Variants in PTPRG observed in about 807,000 individuals in gnomAD.
PTPRG encodes the protein receptor-type tyrosine-protein phosphatase gamma.
PTPRG carries 102 observed loss-of-function variants against 165.3 expected under a neutral mutation model. That is an observed-to-expected ratio of 0.62 (90% CI 0.53 to 0.73). PTPRG has a LOEUF of 0.73. Among genes scored for constraint, PTPRG ranks in the 30% least tolerant of loss-of-function variants. The probability of loss-of-function intolerance (pLI) is 0.00; values close to 1 mark genes in which losing one functional copy is unlikely to be tolerated. For synonymous variants in PTPRG, 675 were observed against 669.5 expected (o/e 1.01, Z -0.13); for missense variants, 1,866 against 1,861.4 (o/e 1.00, Z -0.05).
At chr3:61,995,695 C>A (rs2041021447) in intron 3 of PTPRG, among the ~76,000 whole-genome samples, 1 of 76,218 alleles carries the variant, frequency 1.3e-5, no homozygotes, top group African/African-American at 4.5e-5. Flanking sequence ...TTCCTTCCTT[C>A]CTTCCTTCCT....
chr3:61,732,443 G>C (rs2032539499), intron 1 of PTPRG, among the ~76,000 whole-genome samples: 2 of 152,010 alleles, frequency 1.3e-5, no homozygotes, highest in Non-Finnish European at 2.9e-5. Flanking sequence ...TGGGCATGGT[G>C]GCGAGCACCT....
At chr3:61,606,127 T>G (rs1700998981) in intron 1 of PTPRG, among the ~76,000 whole-genome samples, 1 of 152,238 alleles carries the variant, frequency 6.6e-6, no homozygotes, top group Non-Finnish European at 1.5e-5. Flanking sequence ...GGGCATTAGC[T>G]GGGTCCTCTG....
At chr3:62,042,773 C>G (rs147852666) in intron 4 of PTPRG, among the ~76,000 whole-genome samples, 16 of 152,258 alleles carry the variant, frequency 1.1e-4, no homozygotes, top group African/African-American at 3.1e-4. Context: ...AGATGCTAAC[C>G]CTTTAGGCCC....
At chr3:61,818,513 G>GT (rs2035856618) in intron 2 of PTPRG, among the ~76,000 whole-genome samples, 1 of 152,026 alleles carries the variant, frequency 6.6e-6, no homozygotes, top group African/African-American at 2.4e-5. Flanking sequence ...TGAAAAAGTT[G>GT]TTTAGGTGGG....
intron 2 of PTPRG, among the ~76,000 whole-genome samples, chr3:61,874,886 T>C (rs990359929): frequency 3.3e-5 from 5 of 152,208 alleles, no homozygotes; most frequent in African/African-American, 1.2e-4. Context: ...TGCTCCAGCG[T>C]TGAGTAAATC....
At chr3:61,742,955 T>C in intron 1 of PTPRG, 1 of 1,480,184 alleles carries the variant, frequency 6.8e-7, no homozygotes, top group Non-Finnish European at 9.4e-7. Context: ...AGTCTGACGG[T>C]GCCCGAGAAG....
At chr3:61,689,946 G>A (rs1424305330) in intron 1 of PTPRG, among the ~76,000 whole-genome samples, 1 of 152,140 alleles carries the variant, frequency 6.6e-6, no homozygotes, top group African/African-American at 2.4e-5. Context: ...AGTTTTAGTG[G>A]GGTTAGAAAT....
At chr3:61,995,469 T>C (rs17065641) in intron 3 of PTPRG, among the ~76,000 whole-genome samples, 8,943 of 152,162 alleles carry the variant, frequency 0.059, 571 homozygotes, top group African/African-American at 0.15. Flanking sequence ...CTAGCCCTCA[T>C]GCAAGATGTG....
intron 2 of PTPRG, among the ~76,000 whole-genome samples, chr3:61,885,193 C>CGG (rs1553686319): frequency 0.1 from 15,901 of 151,944 alleles, 1,300 homozygotes; most frequent in African/African-American, 0.23. Flanking sequence ...GATCATATAA[C>CGG]GGTAAACTAT....
intron 4 of PTPRG, among the ~76,000 whole-genome samples, chr3:62,029,517 AG>A (rs1348211006): frequency 6.6e-6 from 1 of 152,242 alleles, no homozygotes; most frequent in Non-Finnish European, 1.5e-5. Flanking sequence ...GTCCTCTGAA[AG>A]GATGCTTGGG....
chr3:62,006,420 C>G (rs575296606), intron 4 of PTPRG, among the ~76,000 whole-genome samples: 1 of 152,150 alleles, frequency 6.6e-6, no homozygotes, highest in Admixed American at 6.5e-5. Flanking sequence ...TCTCTCCCTA[C>G]GATTTTTATA....
chr3:61,590,449 G>A (rs946561085), intron 1 of PTPRG, among the ~76,000 whole-genome samples: 1 of 152,138 alleles, frequency 6.6e-6, no homozygotes, highest in African/African-American at 2.4e-5. Context: ...GCTTGAACCT[G>A]GGAGGTGGAG....
intron 17 of PTPRG, among the ~76,000 whole-genome samples, chr3:62,265,311 A>G (rs1701828699): frequency 6.6e-6 from 1 of 152,144 alleles, no homozygotes; most frequent in Non-Finnish European, 1.5e-5. Context: ...TCTTTCAACA[A>G]TTGTTTCTGA....
At chr3:61,614,170 C>T (rs2106879992) in intron 1 of PTPRG, among the ~76,000 whole-genome samples, 1 of 152,284 alleles carries the variant, frequency 6.6e-6, no homozygotes, top group African/African-American at 2.4e-5. Context: ...TCACTAGCTC[C>T]AGCCTTCATG....
chr3:62,019,576 T>A (rs915841610), intron 4 of PTPRG, among the ~76,000 whole-genome samples: 5 of 151,536 alleles, frequency 3.3e-5, no homozygotes, highest in Non-Finnish European at 7.4e-5. Flanking sequence ...AGATCTGTTG[T>A]ATAACAGGGT....
intron 1 of PTPRG, among the ~76,000 whole-genome samples, chr3:61,692,747 C>G (rs892394140): frequency 6.6e-6 from 1 of 152,106 alleles, no homozygotes; most frequent in Non-Finnish European, 1.5e-5. Flanking sequence ...TCAGTTAAGG[C>G]AGGAACAGGC....
At chr3:61,583,175 C>G (rs1371006598) in intron 1 of PTPRG, among the ~76,000 whole-genome samples, 1 of 152,176 alleles carries the variant, frequency 6.6e-6, no homozygotes, top group Admixed American at 6.5e-5. Context: ...TGACTGCTAG[C>G]TGGCAGATGG....
intron 1 of PTPRG, among the ~76,000 whole-genome samples, chr3:61,741,754 G>T (rs1429062178): frequency 6.6e-6 from 1 of 152,054 alleles, no homozygotes; most frequent in Non-Finnish European, 1.5e-5. Flanking sequence ...TGTTGTGGAT[G>T]AATGCCGGGG....
chr3:62,001,318 TA>T (rs2107718213), intron 3 of PTPRG, among the ~76,000 whole-genome samples: 1 of 152,322 alleles, frequency 6.6e-6, no homozygotes, highest in South Asian at 2.1e-4. Context: ...ATTATTCATA[TA>T]AAACAAGTAA....
Sources: allele counts gnomAD v4.1 joint callset (sites outside exome capture counted in the v4.1 genomes callset), GRCh38; gene constraint gnomAD v4.1.1; transcripts MANE v1.5; gene names NCBI Gene and HGNC (gene_info 2026-07-23, HGNC 2026-07-21).